Variants in EFCAB14 observed in about 807,000 individuals in gnomAD.
EFCAB14 encodes the protein EF-hand calcium-binding domain-containing protein 14.
Under a neutral mutation model 56.5 loss-of-function variants are expected in EFCAB14, and 43 were observed. That is an observed-to-expected ratio of 0.76 (90% CI 0.60 to 0.98). The LOEUF (loss-of-function observed/expected upper bound fraction) is 0.98. EFCAB14 is among the 50% of genes least tolerant of loss of function. The probability of loss-of-function intolerance (pLI) is 0.00; values close to 1 mark genes in which losing one functional copy is unlikely to be tolerated. For missense variants in EFCAB14, 538 were observed against 580.3 expected, an observed-to-expected ratio of 0.93 and a Z score of 0.75; for synonymous variants, 235 against 212.9, an observed-to-expected ratio of 1.10 and a Z score of -0.90.
chr1:46,688,880 G>A (rs1676932403), intron 6 of EFCAB14, among the ~76,000 whole-genome samples: 1 of 152,156 alleles, frequency 6.6e-6, no homozygotes, highest in Non-Finnish European at 1.5e-5. Flanking sequence ...TAAATGAAAG[G>A]TCCATTAACC....
Position 46,688,807 on chromosome 1 carries a change from A to G in EFCAB14, c.796-263T>C, listed in dbSNP as rs114172279. Among the ~76,000 whole-genome samples, 900 of 152,318 alleles carry G rather than the reference A, an allele frequency of 5.9e-3. 6 individuals are homozygous for G. The highest frequency in any genetic ancestry group is 0.021 in the African/African-American group (867 of 41,564). On this transcript the variant is annotated intron_variant, in intron 6 of 10. Transcript: ENST00000371933. ...CACTCTTTGGTCCCAGAAAGCTGAG[A>G]GCTTGGGAATTGATTTCCCCAATGT...
Position 46,694,291 on chromosome 1 carries a change from A to C in EFCAB14, c.579+2260T>G, listed in dbSNP as rs377232069. On this transcript the variant is annotated intron_variant, in intron 4 of 10. Coordinates refer to ENST00000371933, the MANE Select transcript of EFCAB14 (RefSeq NM_014774.3). Reference sequence around the variant, plus strand: ...GAAACTACCATCAGAGTGAACAGGCAACCTACAGAATGGAAGAAAATTTTT... The same window carrying C: ...GAAACTACCATCAGAGTGAACAGGCCACCTACAGAATGGAAGAAAATTTTT... Among the ~76,000 whole-genome samples the C allele has an allele frequency of 3.9e-5, 6 of 152,362 alleles. No individual in the cohort carries two copies. In the East Asian group the frequency reaches 5.8e-4, roughly 15 times the overall value.
chr1:46,690,696 A>G (rs1331219310), intron 5 of EFCAB14, among the ~76,000 whole-genome samples: 1 of 152,204 alleles, frequency 6.6e-6, no homozygotes, highest in African/African-American at 2.4e-5. Flanking sequence ...ACAGTTACTC[A>G]GCGGCAGTTA....
At chr1:46,681,259 G>GTA (rs1676789726) in intron 10 of EFCAB14, among the ~76,000 whole-genome samples, 1 of 152,050 alleles carries the variant, frequency 6.6e-6, no homozygotes, top group Admixed American at 6.5e-5. Flanking sequence ...GCACCTGGCC[G>GTA]TATATACATA....
At chr1:46,693,766 A>T (rs529084605) in intron 4 of EFCAB14, among the ~76,000 whole-genome samples, 2 of 152,320 alleles carry the variant, frequency 1.3e-5, no homozygotes, top group Admixed American at 1.3e-4. Flanking sequence ...CTCTGAAACT[A>T]GTATTCCCAT....
intron 1 of EFCAB14, among the ~76,000 whole-genome samples, chr1:46,717,463 G>GTA (rs1225003382): frequency 6.6e-6 from 1 of 152,058 alleles, no homozygotes; most frequent in Non-Finnish European, 1.5e-5. Flanking sequence ...ACTTCCTACA[G>GTA]TATATCTCTC....
intron 9 of EFCAB14, 104 bp downstream of exon 9, chr1:46,684,387 C>T (rs984354821): frequency 1.7e-5 from 15 of 887,998 alleles, no homozygotes; most frequent in East Asian, 2.4e-5. Flanking sequence ...AGGCATCACT[C>T]GCTTGGTGCG....
intron 8 of EFCAB14, 162 bp downstream of exon 8, chr1:46,686,622 G>GT: frequency 1.3e-6 from 1 of 741,582 alleles, no homozygotes; most frequent in South Asian, 1.6e-5. Context: ...GCCTAAAAAA[G>GT]TATTCATTTA....
At position 46,684,612 on chromosome 1, in the gene EFCAB14, A is replaced by T. The variant is rs777578798; in HGVS notation, c.1075-10T>A. ...TTGAACTATCTTCTTTCTGCACAAA[A>T]CAAAGATTATAGAAGGTTTAAGGTG... On this transcript the variant is annotated splice_polypyrimidine_tract_variant and intron_variant, in intron 8 of 10. Coordinates refer to ENST00000371933, the MANE Select transcript of EFCAB14 (RefSeq NM_014774.3). 6.2e-7 allele frequency: 1 copy of T among 1,607,658 alleles called. No individual in the cohort carries two copies.
intron 3 of EFCAB14, among the ~76,000 whole-genome samples, chr1:46,705,688 T>A (rs1677223811): frequency 6.6e-6 from 1 of 152,166 alleles, no homozygotes; most frequent in South Asian, 2.1e-4. Flanking sequence ...TGGCCACTCA[T>A]GACCCGATCC....
chr1:46,713,788 GCA>G (rs931574976), intron 2 of EFCAB14, among the ~76,000 whole-genome samples: 29 of 152,292 alleles, frequency 1.9e-4, no homozygotes, highest in African/African-American at 6.5e-4. Flanking sequence ...AGAGATGACG[GCA>G]CAGACAGGTG....
chr1:46,708,936 A>AC (rs1406388257), intron 2 of EFCAB14, among the ~76,000 whole-genome samples: 2 of 139,310 alleles, frequency 1.4e-5, no homozygotes, highest in Non-Finnish European at 3.0e-5. Flanking sequence ...CCAGAATAAA[A>AC]CCTACATCCT....
At chr1:46,684,426 TC>T (rs1676845335) in intron 9 of EFCAB14, 64 bp downstream of exon 9, 1 of 1,324,196 alleles carries the variant, frequency 7.6e-7, no homozygotes. Flanking sequence ...CCTTCCCTGC[TC>T]CCCATGTGAG....
intron 1 of EFCAB14, among the ~76,000 whole-genome samples, chr1:46,717,091 C>T (rs1557453358): frequency 6.6e-6 from 1 of 152,208 alleles, no homozygotes; most frequent in African/African-American, 2.4e-5. Context: ...AACTGATCTT[C>T]ATAACCCAAA....
intron 6 of EFCAB14, among the ~76,000 whole-genome samples, chr1:46,688,973 T>C (rs1676934809): frequency 6.6e-6 from 1 of 152,202 alleles, no homozygotes; most frequent in Non-Finnish European, 1.5e-5. Flanking sequence ...AAGTAGTGCA[T>C]TGTTTAGTAT....
chr1:46,714,801 C>CA (rs529413592), intron 2 of EFCAB14, among the ~76,000 whole-genome samples: 6,369 of 86,404 alleles, frequency 0.074, 151 homozygotes, highest in South Asian at 0.1. Context: ...GACCTTATCT[C>CA]AAAAAAAAAA....
intron 2 of EFCAB14, among the ~76,000 whole-genome samples, chr1:46,714,927 C>T (rs1677364590): frequency 6.6e-6 from 1 of 152,130 alleles, no homozygotes. Context: ...TTAAAACTCA[C>T]TCATGAGATA....
chr1:46,699,431 A>G (rs1178737032), intron 3 of EFCAB14, among the ~76,000 whole-genome samples: 1 of 152,200 alleles, frequency 6.6e-6, no homozygotes, highest in Non-Finnish European at 1.5e-5. Context: ...CTCTTCCACA[A>G]GACTATAAGC....
At chr1:46,708,756 A>C (rs1417712770) in intron 2 of EFCAB14, among the ~76,000 whole-genome samples, 1 of 152,224 alleles carries the variant, frequency 6.6e-6, no homozygotes, top group Non-Finnish European at 1.5e-5. Flanking sequence ...AGAATATGCT[A>C]GGTGAAGTAT....
Sources: allele counts gnomAD v4.1 joint callset (sites outside exome capture counted in the v4.1 genomes callset), GRCh38; gene constraint gnomAD v4.1.1; transcripts MANE v1.5; gene names NCBI Gene and HGNC (gene_info 2026-07-23, HGNC 2026-07-21).